Variants in FRMD6 observed in about 807,000 individuals in gnomAD.
The protein encoded by FRMD6 is FERM domain-containing protein 6.
In FRMD6, 37 loss-of-function variants were observed where a neutral mutation model predicts 73.2. The observed-to-expected ratio is 0.51, with a 90% CI of 0.39 to 0.66. The LOEUF is 0.66. FRMD6 is among the 30% of genes least tolerant of loss of function. The pLI, the probability that FRMD6 is intolerant of heterozygous loss-of-function variation, is 0.00. For synonymous variants in FRMD6, 273 were observed against 282.2 expected (o/e 0.97, Z 0.33); for missense variants, 714 against 780.5 (o/e 0.91, Z 1.02).
At chr14:51,548,665 A>G (rs1170548296) in intron 1 of FRMD6, among the ~76,000 whole-genome samples, 1 of 152,232 alleles carries the variant, frequency 6.6e-6, no homozygotes, top group Non-Finnish European at 1.5e-5. Context: ...ACGGGGAGAT[A>G]AGTTAAAGGC....
the FRMD6 span, among the ~76,000 whole-genome samples, chr14:51,455,876 G>A: frequency 6.6e-6 from 1 of 152,326 alleles, no homozygotes; most frequent in East Asian, 1.9e-4. Flanking sequence ...CAAAGATGGG[G>A]GAAGGTGAAG....
At chr14:51,518,410 C>A (rs1884759974) in intron 1 of FRMD6, among the ~76,000 whole-genome samples, 2 of 152,186 alleles carry the variant, frequency 1.3e-5, no homozygotes, top group South Asian at 4.1e-4. Flanking sequence ...GTCCACTTTG[C>A]TGAGCTGTGA....
upstream of FRMD6, among the ~76,000 whole-genome samples, chr14:51,487,946 A>G (rs949721392): frequency 3.3e-5 from 5 of 152,244 alleles, no homozygotes; most frequent in African/African-American, 1.2e-4. Flanking sequence ...AATGGGCTTA[A>G]GGAGATAAAG....
intron 2 of FRMD6, among the ~76,000 whole-genome samples, chr14:51,619,507 T>G (rs1890844337): frequency 6.6e-6 from 1 of 152,066 alleles, no homozygotes; most frequent in African/African-American, 2.4e-5. Flanking sequence ...ACCAAGAAGA[T>G]TTCTTCCCAA....
chr14:51,524,771 C>A (rs552931441), intron 1 of FRMD6, among the ~76,000 whole-genome samples: 44 of 152,140 alleles, frequency 2.9e-4, no homozygotes, highest in African/African-American at 1.0e-3. Context: ...CGGCGTTCTC[C>A]TTATTTGAAC....
chr14:51,659,643 A>G (rs1893073185), intron 1 of FRMD6, among the ~76,000 whole-genome samples: 1 of 152,190 alleles, frequency 6.6e-6, no homozygotes, highest in Non-Finnish European at 1.5e-5. Flanking sequence ...CCATATGTCA[A>G]AAAAGCCAGC....
rs568388913 is a variant in FRMD6 at position 51,533,505 on chromosome 14, G to T, written c.-209-36843G>T. On this transcript the variant is annotated intron_variant, in intron 1 of 14. Transcript: ENST00000356218. ...AGGAGTCTAATGCATAGAGATTACG[G>T]CTGACTCTCCATTTTATATAATTCC... Among the ~76,000 whole-genome samples, 4 of 152,238 alleles carry T rather than the reference G, an allele frequency of 2.6e-5. No homozygotes were observed. In the South Asian group the frequency reaches 8.3e-4, roughly 32 times the overall value.
the FRMD6 span, among the ~76,000 whole-genome samples, chr14:51,425,173 C>T: frequency 4.6e-5 from 7 of 152,256 alleles, no homozygotes; most frequent in East Asian, 3.9e-4. Flanking sequence ...GGGCAATGGA[C>T]GGGACTTTGG....
chr14:51,398,551 G>A, the FRMD6 span, among the ~76,000 whole-genome samples: 2 of 151,816 alleles, frequency 1.3e-5, no homozygotes, highest in Non-Finnish European at 2.9e-5. Flanking sequence ...TATAAGCTGA[G>A]CAAATTGCAT....
At chr14:51,604,381 A>G (rs2090677699) in intron 2 of FRMD6, among the ~76,000 whole-genome samples, 1 of 152,160 alleles carries the variant, frequency 6.6e-6, no homozygotes, top group Non-Finnish European at 1.5e-5. Context: ...AATGCTACTT[A>G]CTTGAACTGG....
At chr14:51,513,516 T>A (rs1483437342) in intron 1 of FRMD6, among the ~76,000 whole-genome samples, 2 of 152,216 alleles carry the variant, frequency 1.3e-5, no homozygotes, top group African/African-American at 2.4e-5. Flanking sequence ...ATTTTGGCTT[T>A]ACAGTTCAAA....
intron 1 of FRMD6, among the ~76,000 whole-genome samples, chr14:51,543,766 G>C (rs1004327152): frequency 6.6e-6 from 1 of 151,982 alleles, no homozygotes; most frequent in Non-Finnish European, 1.5e-5. Flanking sequence ...GAACTCAAAA[G>C]AATTATTTTG....
chr14:51,660,556 C>T (rs1224267847), intron 1 of FRMD6, among the ~76,000 whole-genome samples: 2 of 149,568 alleles, frequency 1.3e-5, no homozygotes, highest in African/African-American at 2.5e-5. Context: ...ATAATGTATG[C>T]CTAGGATATG....
intron 2 of FRMD6, among the ~76,000 whole-genome samples, chr14:51,695,554 A>G (rs996609472): frequency 2.0e-5 from 3 of 152,152 alleles, no homozygotes; most frequent in Non-Finnish European, 2.9e-5. Flanking sequence ...ATATTTATAA[A>G]ATGGTTTGCT....
At chr14:51,598,477 G>A (rs953266056) in intron 2 of FRMD6, among the ~76,000 whole-genome samples, 2 of 152,136 alleles carry the variant, frequency 1.3e-5, no homozygotes, top group Non-Finnish European at 2.9e-5. Flanking sequence ...ATTGTGTGAT[G>A]CTAAGGTTTG....
chr14:51,575,928 A>T (rs1888376907), intron 2 of FRMD6: 1 of 152,274 alleles, frequency 6.6e-6, no homozygotes, highest in Non-Finnish European at 1.5e-5. Context: ...TTGAGAAAGT[A>T]GGTGGAGACC....
the FRMD6 span, among the ~76,000 whole-genome samples, chr14:51,466,917 A>T: frequency 4.6e-5 from 7 of 151,814 alleles, no homozygotes; most frequent in East Asian, 1.4e-3. Flanking sequence ...GTCAGCCATG[A>T]TTTGCAGCTT....
the FRMD6 span, among the ~76,000 whole-genome samples, chr14:51,440,594 G>A: frequency 1.3e-5 from 2 of 152,202 alleles, no homozygotes; most frequent in African/African-American, 2.4e-5. Flanking sequence ...CTGGAGAACT[G>A]AGAATTCTGC....
chr14:51,685,435 T>C (rs1224864358), intron 1 of FRMD6, among the ~76,000 whole-genome samples: 1 of 152,202 alleles, frequency 6.6e-6, no homozygotes, highest in Non-Finnish European at 1.5e-5. Context: ...TGTCTGTTTC[T>C]ATTAGAGCAG....
Sources: allele counts gnomAD v4.1 joint callset (sites outside exome capture counted in the v4.1 genomes callset), GRCh38; gene constraint gnomAD v4.1.1; transcripts MANE v1.5; gene names NCBI Gene and HGNC (gene_info 2026-07-23, HGNC 2026-07-21).